Variants in KNDC1 observed in about 807,000 individuals in gnomAD.
KNDC1 encodes kinase non-catalytic C-lobe domain containing 1.
In KNDC1, 106 loss-of-function variants were observed where a neutral mutation model predicts 172.8. The observed-to-expected ratio is 0.61, with a 90% confidence interval of 0.52 to 0.72. KNDC1 has a LOEUF of 0.72. Among genes scored for constraint, KNDC1 ranks in the 30% least tolerant of loss-of-function variants. The pLI, the probability that KNDC1 is intolerant of heterozygous loss-of-function variation, is 0.00. For synonymous variants in KNDC1, 1,083 were observed against 1,062.2 expected (o/e 1.02, Z -0.38); for missense variants, 2,325 against 2,394.5 (o/e 0.97, Z 0.61).
intron 9 of KNDC1, among the ~76,000 whole-genome samples, chr10:133,190,224 G>A (rs1165802648): frequency 6.6e-6 from 1 of 152,110 alleles, no homozygotes; most frequent in East Asian, 1.9e-4. Context: ...TCCCACCGAG[G>A]AAGAGCACTA....
intron 17 of KNDC1, among the ~76,000 whole-genome samples, chr10:133,203,328 C>T (rs1312613360): frequency 6.6e-6 from 1 of 152,176 alleles, no homozygotes; most frequent in Non-Finnish European, 1.5e-5. Context: ...CTCATGGTGT[C>T]CAGCAGGGAG....
rs1011887974 is a variant in KNDC1, at chr10:133,198,455, G to A, written c.2025G>A (p.Thr675=). 2.1e-5 allele frequency: 33 copies of A among 1,605,576 alleles called. No homozygotes were observed. The highest frequency in any genetic ancestry group is 2.5e-5 in the Non-Finnish European group (30 of 1,176,594). The change falls in exon 13 of 30, where the codon ACG becomes ACA. Residue 675 remains threonine (T), a synonymous_variant. Transcript: ENST00000304613. ...CTGCAGCGTTCACCTCCGAGGCCAC[G>A]CACTTCAAGCCCATTGTCCTCGCGC... The part of the protein sequence containing the change: ...QLPAAFTSEA[T]HFKPIVLAQN...
chr10:133,218,588 T>C (rs533798145), intron 26 of KNDC1, among the ~76,000 whole-genome samples: 1 of 152,260 alleles, frequency 6.6e-6, no homozygotes, highest in South Asian at 2.1e-4. Context: ...TCTTTTCAAG[T>C]CTTTCCGCGT....
In KNDC1 at chr10:133,224,686, G is replaced by A. The variant is rs1446625243; in HGVS notation, c.5046G>A (p.Val1682=). 2 of 1,614,058 alleles carry A rather than the reference G, an allele frequency of 1.2e-6. No individual in the cohort carries two copies. The highest frequency in any genetic ancestry group is 2.2e-5 in the East Asian group (1 of 44,888). Reference sequence around the variant, plus strand: ...ACATCGCAAAGGTGGTGAGCCAGGTGCACGCGTTCCAGGAGAACCCTTACA... The same window carrying A: ...ACATCGCAAAGGTGGTGAGCCAGGTACACGCGTTCCAGGAGAACCCTTACA... ...LRNIAKVVSQ[V]HAFQENPYTF... The change falls in exon 30 of 30, where the codon GTG becomes GTA. Residue 1682 remains valine (V), a synonymous_variant. Coordinates refer to ENST00000304613, the MANE Select transcript of KNDC1 (RefSeq NM_152643.8). The surrounding 1 kb of genome is among the most constrained non-coding windows in gnomAD (Gnocchi z 5.4).
In KNDC1 at chr10:133,200,447, G is replaced by T; in HGVS notation, c.2976G>T (p.Ser992=). The change falls in exon 16 of 30, where the codon TCG becomes TCT. Residue 992 remains serine, a synonymous_variant. Coordinates refer to ENST00000304613, the MANE Select transcript of KNDC1 (RefSeq NM_152643.8). ...GCTCCCCGTCCAGCAAGAGGCCGTC[G>T]CTGCACCGCCTGGGTAAGTGCTGGG... The part of the protein sequence containing the change: ...SPRSPSSKRP[S]LHRLGKEKPA... 1 of 1,585,624 alleles carries T rather than the reference G, an allele frequency of 6.3e-7. No homozygotes were observed.
At chr10:133,215,467 G>A (rs1191051270) in intron 26 of KNDC1, among the ~76,000 whole-genome samples, 7 of 152,222 alleles carry the variant, frequency 4.6e-5, no homozygotes, top group East Asian at 1.9e-4. Context: ...GGGATTTGTC[G>A]CCAGGGCACG....
rs1241841557 is a variant in KNDC1, at chr10:133,224,874, A to G, written c.5234A>G (p.Lys1745Arg). Residue 1745 changes from lysine (K) to arginine (R), a missense_variant, in exon 30 of 30, where the codon AAG becomes AGG. Coordinates refer to ENST00000304613, the MANE Select transcript of KNDC1 (RefSeq NM_152643.8). This position sits in a 1 kb window ranked among gnomAD's most constrained non-coding sequence, Gnocchi z 5.4. Reference protein sequence around the residue: ...RKIQDKLRRMKATFQ With the variant: ...RKIQDKLRRMRATFQ ...ATTCAGGACAAGCTACGGAGGATGA[A>G]GGCTACATTCCAGTAGCCGAGCTCG... 1.2e-6 allele frequency: 2 copies of G among 1,613,324 alleles called. No homozygotes were observed. The highest frequency in any genetic ancestry group is 1.3e-5 in the African/African-American group (1 of 75,040).
In KNDC1 at chr10:133,210,610, G is replaced by A. The variant is rs1160414481; in HGVS notation, c.3795-1G>A. ...TCACCGCCGCCCGCCCCGCCCCACA[G>A]TGATGCCTTCCTGGAGGGTTATGTG... On this transcript the variant is annotated splice_acceptor_variant, in intron 20 of 29. Transcript: ENST00000304613. LOFTEE classifies it high-confidence loss of function. 6.4e-7 allele frequency: 1 copy of A among 1,574,280 alleles called. No homozygotes were observed. Among genetic ancestry groups the A allele is most frequent in the Admixed American group, 1.7e-5 (1 of 59,822 alleles).
intron 6 of KNDC1, among the ~76,000 whole-genome samples, chr10:133,188,223 C>T (rs1003800696): frequency 3.3e-5 from 5 of 152,186 alleles, no homozygotes; most frequent in African/African-American, 9.7e-5. Context: ...CTCGGTTCCT[C>T]GGGGAATGTG....
intron 11 of KNDC1, among the ~76,000 whole-genome samples, chr10:133,197,380 C>T (rs1289656583): frequency 6.6e-6 from 1 of 152,154 alleles, no homozygotes; most frequent in Non-Finnish European, 1.5e-5. Context: ...GGCCCAGCAC[C>T]CACCCCGGGC....
rs114175048 is a variant in KNDC1, at chr10:133,202,552, G to A, written c.3387+654G>A. 4,013 of 452,368 alleles carry A rather than the reference G, an allele frequency of 8.9e-3. 25 individuals carry two copies. Among genetic ancestry groups the A allele is most frequent in the African/African-American group, 0.018 (904 of 50,054 alleles). The allele number at this position is 452,368 out of a possible 1,614,324, so 28.0% of individuals were successfully genotyped here. A position where few individuals can be genotyped will look rare whatever the true frequency, so the allele number is the denominator to read the frequency against. ...GGACTCCAGGGTGGATGACAGGAGGGGCCCAGTGGCCATCAGCTCCGGGAA... is the reference window on the plus strand; with the variant it reads ...GGACTCCAGGGTGGATGACAGGAGGAGCCCAGTGGCCATCAGCTCCGGGAA... On this transcript the variant is annotated intron_variant, in intron 17 of 29. Coordinates refer to ENST00000304613, the MANE Select transcript of KNDC1 (RefSeq NM_152643.8).
At chr10:133,221,483 C>T (rs535099931) in intron 29 of KNDC1, among the ~76,000 whole-genome samples, 2 of 152,286 alleles carry the variant, frequency 1.3e-5, no homozygotes, top group African/African-American at 4.8e-5. Context: ...CCAAGCTCGG[C>T]CTCACTCTCT....
At chr10:133,173,642 G>A (rs4240518) in intron 3 of KNDC1, among the ~76,000 whole-genome samples, 52,114 of 152,110 alleles carry the variant, frequency 0.34, 10,409 homozygotes, top group South Asian at 0.61. Flanking sequence ...TTTTCACACC[G>A]AACATCTGTG....
chr10:133,184,272 T>C (rs1251054805), intron 5 of KNDC1, among the ~76,000 whole-genome samples: 2 of 108,482 alleles, frequency 1.8e-5, no homozygotes, highest in South Asian at 6.4e-4. Context: ...CACACACCCA[T>C]GCACACACAC....
At chr10:133,205,008 C>CCACCCCCCCCCTCACCCCCAGAAT (rs1845147140) in intron 17 of KNDC1, among the ~76,000 whole-genome samples, 1 of 144,596 alleles carries the variant, frequency 6.9e-6, no homozygotes. Context: ...CACCCCAGAA[C>CCACCCCCCCCCTCACCCCCAGAAT]CACCACCCTC....
At chr10:133,204,281 C>G (rs1453644444) in intron 17 of KNDC1, among the ~76,000 whole-genome samples, 1 of 152,212 alleles carries the variant, frequency 6.6e-6, no homozygotes, top group Non-Finnish European at 1.5e-5. Flanking sequence ...CGCTGTCCAC[C>G]GGGTAGCCAA....
intron 11 of KNDC1, 54 bp from the exon 12 acceptor site, chr10:133,197,621 G>A (rs368240184): frequency 8.4e-5 from 116 of 1,381,760 alleles, no homozygotes; most frequent in Non-Finnish European, 9.8e-5. Flanking sequence ...GGGTGTTGCC[G>A]GCGCTGGCGG....
rs1436337900 is a variant in KNDC1 at position 133,226,121 on chromosome 10, A to G, written c.*1231A>G. On this transcript the variant is annotated 3_prime_UTR_variant, in exon 30 of 30. Coordinates refer to ENST00000304613, the MANE Select transcript of KNDC1 (RefSeq NM_152643.8). Reference sequence around the variant, plus strand: ...TTAATGTCAAGATGTGTTTTCCCACATAAATTCACCGGAGACATCCGGGCC... The same window carrying G: ...TTAATGTCAAGATGTGTTTTCCCACGTAAATTCACCGGAGACATCCGGGCC... The G allele has an allele frequency of 7.2e-5, 11 of 152,252 alleles. No homozygotes were observed. Among genetic ancestry groups the G allele is most frequent in the Admixed American group, 5.9e-4 (9 of 15,290 alleles). The allele number at this position is 152,252 out of a possible 1,614,324, so 9.4% of individuals were successfully genotyped here.
At chr10:133,161,751 G>A (rs1051949568) in intron 1 of KNDC1, among the ~76,000 whole-genome samples, 1 of 152,150 alleles carries the variant, frequency 6.6e-6, no homozygotes, top group African/African-American at 2.4e-5. Context: ...GGGAGGGGCA[G>A]CCCGCAGCCT....
Sources: gnomAD v4.1 joint callset for allele counts (sites outside exome capture counted in the v4.1 genomes callset) on GRCh38, gnomAD v4.1.1 for gene constraint, Gnocchi (gnomAD v3.1) non-coding constraint, MANE v1.5 for transcripts, NCBI Gene and HGNC (gene_info 2026-07-23, HGNC 2026-07-21) for gene names.